NPFFR2: variants seen among roughly 807,000 people sequenced by gnomAD.
NPFFR2 encodes the protein G-protein coupled receptor 74.
Under a neutral mutation model 13.1 loss-of-function variants are expected in NPFFR2, and 15 were observed. The ratio of observed to expected loss-of-function variants is 1.15; its 90% CI spans 0.77 to 1.76. The LOEUF (loss-of-function observed/expected upper bound fraction) is 1.76. Among genes scored for constraint, NPFFR2 ranks in the 40% most tolerant of loss-of-function variants. The pLI is 0.00. For missense variants in NPFFR2, 572 were observed against 503.5 expected (o/e 1.14, Z -1.30); for synonymous variants, 190 against 175.7 (o/e 1.08, Z -0.65).
At chr4:72,144,873 A>G (rs1002269864) in intron 3 of NPFFR2, among the ~76,000 whole-genome samples, 5 of 152,200 alleles carry the variant, frequency 3.3e-5, no homozygotes, top group Non-Finnish European at 7.3e-5. Context: ...GAACCAGGCC[A>G]CTGCCCTTTG....
At chr4:72,063,126 T>C (rs1223920995) in intron 1 of NPFFR2, among the ~76,000 whole-genome samples, 2 of 152,198 alleles carry the variant, frequency 1.3e-5, no homozygotes, top group Non-Finnish European at 2.9e-5. Context: ...ATCTTTTTGA[T>C]GCTTTTTCTA....
At chr4:72,132,469 G>A (rs920816434) in intron 2 of NPFFR2, among the ~76,000 whole-genome samples, 5 of 152,158 alleles carry the variant, frequency 3.3e-5, no homozygotes, top group Non-Finnish European at 5.9e-5. Context: ...ACACATACAT[G>A]TGTCTTTATA....
At chr4:72,105,618 G>A (rs544456989) in intron 1 of NPFFR2, among the ~76,000 whole-genome samples, 1 of 151,956 alleles carries the variant, frequency 6.6e-6, no homozygotes, top group Non-Finnish European at 1.5e-5. Context: ...CCAGGTTATA[G>A]GTTAAATTAA....
At chr4:72,081,747 T>G (rs1310466307) in intron 1 of NPFFR2, among the ~76,000 whole-genome samples, 1 of 152,058 alleles carries the variant, frequency 6.6e-6, no homozygotes, top group Admixed American at 6.6e-5. Context: ...CGCCTTGGCC[T>G]CCAGAAATGC....
intron 1 of NPFFR2, among the ~76,000 whole-genome samples, chr4:72,040,493 A>G (rs1208881446): frequency 1.3e-5 from 2 of 152,152 alleles, no homozygotes; most frequent in African/African-American, 2.4e-5. Flanking sequence ...CAATTTGTCC[A>G]TTTCTATGGC....
chr4:72,047,180 A>T (rs902631004), intron 1 of NPFFR2, among the ~76,000 whole-genome samples: 9 of 4,142 alleles, frequency 2.2e-3, no homozygotes, highest in Non-Finnish European at 0.043. Flanking sequence ...TAAAGAATTA[A>T]AAAAAAAAAA....
intron 1 of NPFFR2, among the ~76,000 whole-genome samples, chr4:72,082,428 G>T (rs1720652099): frequency 6.6e-6 from 1 of 152,156 alleles, no homozygotes; most frequent in South Asian, 2.1e-4. Context: ...AGTTCATCTG[G>T]AATATCTATT....
At chr4:72,144,553 C>T (rs1394965141) in intron 3 of NPFFR2, among the ~76,000 whole-genome samples, 3 of 152,096 alleles carry the variant, frequency 2.0e-5, no homozygotes, top group Non-Finnish European at 4.4e-5. Context: ...AAGCTGATTT[C>T]TCCTGACTGA....
At chr4:72,052,552 A>G (rs1296814458) in intron 1 of NPFFR2, among the ~76,000 whole-genome samples, 21 of 152,234 alleles carry the variant, frequency 1.4e-4, no homozygotes, top group East Asian at 7.7e-4. Context: ...CTGAATGAGC[A>G]AAAACTGGAA....
At chr4:72,040,959 G>A (rs1719198940) in intron 1 of NPFFR2, among the ~76,000 whole-genome samples, 2 of 142,690 alleles carry the variant, frequency 1.4e-5, no homozygotes, top group African/African-American at 5.0e-5. Flanking sequence ...TTAATTTCTA[G>A]GTGCTATTGC....
intron 1 of NPFFR2, among the ~76,000 whole-genome samples, chr4:72,035,007 A>G (rs1014823366): frequency 2.0e-5 from 3 of 152,218 alleles, no homozygotes; most frequent in South Asian, 4.1e-4. Flanking sequence ...TAACTTCTCT[A>G]TGTCTAAGAT....
Position 72,128,818 on chromosome 4 carries a change from T to A in NPFFR2, c.227T>A (p.Met76Lys). 6.2e-7 allele frequency: 1 copy of A among 1,614,120 alleles called. No homozygotes were observed. The highest frequency in any genetic ancestry group is 1.1e-5 in the South Asian group (1 of 91,082). Residue 76 changes from methionine (M) to lysine (K), a missense_variant, in exon 2 of 4, where the codon ATG (methionine) becomes AAG (lysine). Coordinates refer to ENST00000308744, the MANE Select transcript of NPFFR2 (RefSeq NM_004885.3). The stretch of plus-strand genomic sequence containing the variant: ...TTTATTGTAATGAGGAACAAACATA[T>A]GCACACAGTCACTAATCTCTTCATC... Reference protein sequence around the residue: ...VCFIVMRNKHMHTVTNLFILN... With the variant: ...VCFIVMRNKHKHTVTNLFILN...
At chr4:72,073,835 A>G (rs1720339017) in intron 1 of NPFFR2, among the ~76,000 whole-genome samples, 1 of 152,056 alleles carries the variant, frequency 6.6e-6, no homozygotes, top group South Asian at 2.1e-4. Context: ...AGGATGTTAC[A>G]TGTAATCCCC....
chr4:72,105,533 A>T (rs986372053), intron 1 of NPFFR2, among the ~76,000 whole-genome samples: 1 of 152,050 alleles, frequency 6.6e-6, no homozygotes, highest in African/African-American at 2.4e-5. Context: ...GAGTACTAAT[A>T]AATGTAAGGA....
At chr4:72,122,628 C>T (rs960951789) in intron 1 of NPFFR2, among the ~76,000 whole-genome samples, 6 of 152,028 alleles carry the variant, frequency 3.9e-5, no homozygotes, top group East Asian at 1.9e-4. Flanking sequence ...ACATAGAAAC[C>T]GAACATTCTG....
intron 1 of NPFFR2, among the ~76,000 whole-genome samples, chr4:72,127,629 C>T (rs1252021684): frequency 2.6e-5 from 4 of 151,116 alleles, no homozygotes; most frequent in Non-Finnish European, 5.9e-5. Context: ...TCCCAAAGTG[C>T]TGGGATTACA....
At chr4:72,032,587 G>A (rs956924922) in intron 1 of NPFFR2, among the ~76,000 whole-genome samples, 3 of 152,222 alleles carry the variant, frequency 2.0e-5, no homozygotes, top group African/African-American at 4.8e-5. Context: ...ATGCTTCTAA[G>A]CAATGATCTT....
At chr4:72,077,028 C>T (rs1720466471) in intron 1 of NPFFR2, among the ~76,000 whole-genome samples, 1 of 151,906 alleles carries the variant, frequency 6.6e-6, no homozygotes, top group Non-Finnish European at 1.5e-5. Flanking sequence ...TCTTATTTTC[C>T]TCCAAATGAG....
chr4:72,117,001 C>T (rs538364181), intron 1 of NPFFR2, among the ~76,000 whole-genome samples: 6 of 152,174 alleles, frequency 3.9e-5, no homozygotes, highest in African/African-American at 1.4e-4. Context: ...GGGGTCAAGA[C>T]GTCTACCTTA....
Sources: allele counts gnomAD v4.1 joint callset (sites outside exome capture counted in the v4.1 genomes callset), GRCh38; gene constraint gnomAD v4.1.1; transcripts MANE v1.5; gene names NCBI Gene and HGNC (gene_info 2026-07-23, HGNC 2026-07-21).